THADA: variants seen among roughly 807,000 people sequenced by gnomAD.
The protein encoded by THADA is tRNA (32-2'-O)-methyltransferase regulator THADA.
Under a neutral mutation model 219.8 loss-of-function variants are expected in THADA, and 213 were observed. That is an observed-to-expected ratio of 0.97 (90% CI 0.87 to 1.09). The LOEUF is 1.09. Ranked by LOEUF, THADA falls within the 50% of genes least tolerant of loss-of-function variation. The probability of loss-of-function intolerance (pLI) is 0.00; values close to 1 mark genes in which losing one functional copy is unlikely to be tolerated. For missense variants in THADA, 2,956 were observed against 2,311.3 expected, an observed-to-expected ratio of 1.28 and a Z score of -5.72; for synonymous variants, 1,018 against 828.9, an observed-to-expected ratio of 1.23 and a Z score of -3.92.
At chr2:43,337,216 T>C (rs1358299922) in intron 30 of THADA, among the ~76,000 whole-genome samples, 1 of 152,196 alleles carries the variant, frequency 6.6e-6, no homozygotes, top group Non-Finnish European at 1.5e-5. Flanking sequence ...AGACCCCTTT[T>C]AAAGAAGACA....
At chr2:43,293,347 A>AT in intron 31 of THADA, 134 bp from the exon 32 acceptor site, 2 of 978,046 alleles carry the variant, frequency 2.0e-6, no homozygotes, top group Non-Finnish European at 2.9e-6. Context: ...AAACACTGTC[A>AT]TAAGTGAGTG....
At chr2:43,439,726 G>A (rs777043645) in intron 26 of THADA, among the ~76,000 whole-genome samples, 2 of 152,030 alleles carry the variant, frequency 1.3e-5, no homozygotes, top group African/African-American at 2.4e-5. Context: ...GTGTATATAC[G>A]GTTCAGCGTA....
At chr2:43,479,109 T>C (rs1685878462) in intron 26 of THADA, among the ~76,000 whole-genome samples, 2 of 152,214 alleles carry the variant, frequency 1.3e-5, no homozygotes, top group Non-Finnish European at 2.9e-5. Context: ...AGCTCTTAAC[T>C]TACTTTCAAA....
At chr2:43,534,656 T>C (rs1432821486) in intron 21 of THADA, among the ~76,000 whole-genome samples, 3 of 152,230 alleles carry the variant, frequency 2.0e-5, no homozygotes, top group Non-Finnish European at 4.4e-5. Context: ...TCATTCTTTA[T>C]TATGGCTGAA....
chr2:43,359,242 A>T (rs1669218912), intron 29 of THADA, among the ~76,000 whole-genome samples: 1 of 152,252 alleles, frequency 6.6e-6, no homozygotes, highest in African/African-American at 2.4e-5. Flanking sequence ...GAAAGGATGC[A>T]GTAAGGCCTC....
intron 30 of THADA, among the ~76,000 whole-genome samples, chr2:43,334,351 G>C (rs1666146695): frequency 6.6e-6 from 1 of 152,116 alleles, no homozygotes; most frequent in Non-Finnish European, 1.5e-5. Context: ...AAGCTGGACA[G>C]GGAAGTGGAT....
chr2:43,400,134 C>T (rs1251865595), intron 28 of THADA, among the ~76,000 whole-genome samples: 3 of 152,132 alleles, frequency 2.0e-5, no homozygotes, highest in Non-Finnish European at 4.4e-5. Context: ...TGACTGTACA[C>T]TAAAGAATGC....
At chr2:43,586,288 A>G (rs978296255) in intron 7 of THADA, 113 bp downstream of exon 7, 5 of 889,960 alleles carry the variant, frequency 5.6e-6, no homozygotes, top group Admixed American at 6.9e-5. Context: ...AAGTGATAAT[A>G]TTAATGAAAA....
At position 43,577,053 on chromosome 2, in the gene THADA, T is replaced by C. The variant is rs1243770388; in HGVS notation, c.1006A>G (p.Thr336Ala). The stretch of plus-strand genomic sequence containing the variant: ...CTCAAGGTGAACAAAACATGTGCAG[T>C]ATCCAAGAGCAGGGCCTCCCCACTC... ...GRSGEALLLD[T>A]AHVLFTLSSQ... is the part of the protein sequence containing the mutation. Residue 336 changes from threonine to alanine, a missense_variant, in exon 10 of 38, where the codon ACT becomes GCT. Transcript: ENST00000405975. 3 of 1,613,250 alleles carry C rather than the reference T, an allele frequency of 1.9e-6. No homozygotes were observed. The highest frequency in any genetic ancestry group is 2.5e-6 in the Non-Finnish European group (3 of 1,179,704).
At chr2:43,390,243 A>G (rs1447688837) in intron 29 of THADA, among the ~76,000 whole-genome samples, 1 of 152,214 alleles carries the variant, frequency 6.6e-6, no homozygotes, top group Non-Finnish European at 1.5e-5. Context: ...CAGTCCTGGC[A>G]TCTATAGTAT....
At chr2:43,538,913 T>C (rs1694950335) in intron 21 of THADA, among the ~76,000 whole-genome samples, 1 of 152,258 alleles carries the variant, frequency 6.6e-6, no homozygotes, top group Non-Finnish European at 1.5e-5. Context: ...TTTATACTCC[T>C]ATATGGGGGA....
Position 43,398,028 on chromosome 2 carries a change from G to A in THADA, c.4170C>T (p.Leu1390=). ...GGAAACACTGGTCAGTGCAGCTGGG[G>A]AGTGTGGACAACAGAGTTCGAATGG... ...PNTIRTLLST[L]PSCTDQCFRQ... Residue 1390 remains leucine, a synonymous_variant, in exon 29 of 38, where the codon CTC becomes CTT. Coordinates refer to ENST00000405975, the MANE Select transcript of THADA (RefSeq NM_022065.5). The A allele has an allele frequency of 6.2e-7, 1 of 1,614,008 alleles. No homozygotes were observed. The highest frequency in any genetic ancestry group is 8.5e-7 in the Non-Finnish European group (1 of 1,179,874).
Position 43,517,507 on chromosome 2 carries a change from C to T in THADA, c.3375-8727G>A, listed in dbSNP as rs532364796. The stretch of plus-strand genomic sequence containing the variant: ...CACAAGAAGGAAGAAAATCCTTTCC[C>T]TTTCCCATAAACACAGACTTTCACT... On this transcript the variant is annotated intron_variant, in intron 22 of 37. Transcript: ENST00000405975. 1.7e-3 allele frequency among the ~76,000 whole-genome samples: 259 copies of T among 152,260 alleles called. 2 individuals carry two copies. The highest frequency in any genetic ancestry group is 0.01 in the Middle Eastern group (3 of 294).
intron 24 of THADA, among the ~76,000 whole-genome samples, chr2:43,503,736 T>TA (rs1300903375): frequency 1.3e-5 from 2 of 152,040 alleles, no homozygotes; most frequent in Non-Finnish European, 2.9e-5. Context: ...AATTATCAAC[T>TA]AAAAAAGCTT....
chr2:43,580,634 G>T (rs990799718), intron 8 of THADA, among the ~76,000 whole-genome samples: 1 of 151,834 alleles, frequency 6.6e-6, no homozygotes, highest in African/African-American at 2.4e-5. Flanking sequence ...AGCCACTTTG[G>T]GAGGCCAAGG....
At chr2:43,551,736 A>G in intron 19 of THADA, 53 bp downstream of exon 19, 2 of 1,518,152 alleles carry the variant, frequency 1.3e-6, no homozygotes, top group Non-Finnish European at 1.8e-6. Context: ...AAAAGAGGTA[A>G]AGACATAATA....
chr2:43,337,322 T>C (rs1273466265), intron 30 of THADA, among the ~76,000 whole-genome samples: 3 of 152,242 alleles, frequency 2.0e-5, no homozygotes, highest in African/African-American at 7.2e-5. Context: ...TGTTAACTCA[T>C]GCCAAGCTGA....
chr2:43,378,580 AC>A (rs1239603413), intron 29 of THADA, among the ~76,000 whole-genome samples: 2 of 152,174 alleles, frequency 1.3e-5, no homozygotes, highest in Non-Finnish European at 2.9e-5. Flanking sequence ...TATTATAATA[AC>A]AGATGTCATA....
At chr2:43,480,880 T>C (rs192271953) in intron 26 of THADA, among the ~76,000 whole-genome samples, 91 of 151,856 alleles carry the variant, frequency 6.0e-4, no homozygotes, top group South Asian at 6.3e-4. Context: ...GAAAATTCTG[T>C]TTTTCAATTT....
Sources: allele counts gnomAD v4.1 joint callset (sites outside exome capture counted in the v4.1 genomes callset), GRCh38; gene constraint gnomAD v4.1.1; transcripts MANE v1.5; gene names NCBI Gene and HGNC (gene_info 2026-07-23, HGNC 2026-07-21).